IRF2: variants seen among roughly 807,000 people sequenced by gnomAD.
IRF2 encodes the protein interferon regulatory factor 2.
In IRF2, 15 loss-of-function variants were observed where a neutral mutation model predicts 40.6. The observed-to-expected ratio is 0.37, with a 90% CI of 0.25 to 0.57. IRF2 has a LOEUF of 0.57. Among genes scored for constraint, IRF2 ranks in the 20% least tolerant of loss-of-function variants. The pLI, the probability that IRF2 is intolerant of heterozygous loss-of-function variation, is 0.77. For missense variants in IRF2, 317 were observed against 455.7 expected, an observed-to-expected ratio of 0.70 and a Z score of 2.77; for synonymous variants, 151 against 165.5, an observed-to-expected ratio of 0.91 and a Z score of 0.67.
intron 8 of IRF2, among the ~76,000 whole-genome samples, chr4:184,389,822 G>C (rs3775544): frequency 0.066 from 10,065 of 152,164 alleles, 388 homozygotes; most frequent in African/African-American, 0.11. Flanking sequence ...TGCATTTTCA[G>C]AGAAAAGGCA....
rs1052386063 is a variant in IRF2, at chr4:184,428,813, C to A, written c.87+165G>T. On this transcript the variant is annotated intron_variant, in intron 2 of 8. Coordinates refer to ENST00000393593, the MANE Select transcript of IRF2 (RefSeq NM_002199.4). Reference sequence around the variant, plus strand: ...GACCCTGTCTCTAAAAGAAAAAAAGCCTTTGAGATGATAACTTGATGTTTT... The same window carrying A: ...GACCCTGTCTCTAAAAGAAAAAAAGACTTTGAGATGATAACTTGATGTTTT... 2.4e-5 allele frequency: 16 copies of A among 660,476 alleles called. No homozygotes were observed. The East Asian group carries it at 4.2e-4, about 17-fold the overall frequency. 40.9% of individuals were successfully genotyped at this position (660,476 alleles called of 1,614,324 possible).
intron 6 of IRF2, among the ~76,000 whole-genome samples, chr4:184,403,868 T>C (rs574249221): frequency 6.6e-6 from 1 of 152,224 alleles, no homozygotes; most frequent in South Asian, 2.1e-4. Context: ...CCACTAAGTT[T>C]CTCCAGTTTA....
At chr4:184,458,764 A>G (rs1361698093) in intron 1 of IRF2, among the ~76,000 whole-genome samples, 1 of 152,228 alleles carries the variant, frequency 6.6e-6, no homozygotes, top group Non-Finnish European at 1.5e-5. Flanking sequence ...AAAAGGATTC[A>G]GCAAAACGAA....
At chr4:184,459,266 G>A (rs1322226211) in intron 1 of IRF2, among the ~76,000 whole-genome samples, 1 of 151,998 alleles carries the variant, frequency 6.6e-6, no homozygotes, top group African/African-American at 2.4e-5. Context: ...GACATTTCTG[G>A]ATTCAAAATA....
intron 6 of IRF2, among the ~76,000 whole-genome samples, chr4:184,405,481 G>A (rs533560094): frequency 1.2e-4 from 19 of 152,266 alleles, no homozygotes; most frequent in African/African-American, 3.9e-4. Flanking sequence ...AGCTTAACTC[G>A]TTCAGAGTAA....
At chr4:184,422,976 G>GA (rs35799445) in intron 2 of IRF2, among the ~76,000 whole-genome samples, 2 of 151,190 alleles carry the variant, frequency 1.3e-5, no homozygotes, top group East Asian at 1.9e-4. Flanking sequence ...CATACTTCAG[G>GA]AAAAAAAAGA....
At chr4:184,468,130 C>T (rs1739392485) in intron 1 of IRF2, among the ~76,000 whole-genome samples, 1 of 152,188 alleles carries the variant, frequency 6.6e-6, no homozygotes, top group Admixed American at 6.5e-5. Flanking sequence ...CCTAATTCTC[C>T]ATGGCCTTCC....
intron 6 of IRF2, among the ~76,000 whole-genome samples, chr4:184,400,276 A>G (rs1171262007): frequency 6.6e-6 from 1 of 152,068 alleles, no homozygotes; most frequent in Non-Finnish European, 1.5e-5. Context: ...CATTTCATTA[A>G]TTTGTTCATT....
intron 6 of IRF2, among the ~76,000 whole-genome samples, chr4:184,407,477 A>G (rs977337527): frequency 1.3e-5 from 2 of 152,198 alleles, no homozygotes; most frequent in East Asian, 1.9e-4. Context: ...GAAGTTGTTC[A>G]ACTGTTACGA....
intron 2 of IRF2, among the ~76,000 whole-genome samples, chr4:184,423,551 A>C (rs545436023): frequency 6.6e-6 from 1 of 152,314 alleles, no homozygotes; most frequent in South Asian, 2.1e-4. Flanking sequence ...TCTACTCTCA[A>C]AGTGAAAAAA....
intron 2 of IRF2, among the ~76,000 whole-genome samples, chr4:184,428,267 A>G (rs552307663): frequency 6.6e-6 from 1 of 152,352 alleles, no homozygotes; most frequent in East Asian, 1.9e-4. Context: ...AACAGAGAAC[A>G]TGGAAAAGGA....
chr4:184,415,702 A>G (rs775050112), intron 5 of IRF2, among the ~76,000 whole-genome samples: 5 of 152,230 alleles, frequency 3.3e-5, no homozygotes, highest in Non-Finnish European at 5.9e-5. Context: ...AGTGTGTTGA[A>G]AAGGCAACAT....
At chr4:184,416,331 A>AC (rs202203825) in intron 5 of IRF2, among the ~76,000 whole-genome samples, 106 of 148,536 alleles carry the variant, frequency 7.1e-4, no homozygotes, top group Non-Finnish European at 1.2e-3. Context: ...AAAAAAACAA[A>AC]AAAAAAAAAA....
intron 1 of IRF2, among the ~76,000 whole-genome samples, chr4:184,443,772 C>A (rs865845582): frequency 6.6e-6 from 1 of 152,038 alleles, no homozygotes; most frequent in Non-Finnish European, 1.5e-5. Context: ...ATTTTTAGTT[C>A]TTTGAGAAAT....
At chr4:184,461,921 C>T (rs939932374) in intron 1 of IRF2, among the ~76,000 whole-genome samples, 4 of 152,098 alleles carry the variant, frequency 2.6e-5, no homozygotes, top group Non-Finnish European at 4.4e-5. Flanking sequence ...AGTTTCCACC[C>T]GCCTACAATG....
intron 1 of IRF2, among the ~76,000 whole-genome samples, chr4:184,436,817 G>A (rs551525665): frequency 2.6e-5 from 4 of 152,306 alleles, no homozygotes; most frequent in South Asian, 2.1e-4. Flanking sequence ...CAAGCACTGG[G>A]TATTTCACAT....
intron 8 of IRF2, among the ~76,000 whole-genome samples, chr4:184,389,750 C>T (rs926657515): frequency 1.6e-4 from 25 of 152,182 alleles, no homozygotes; most frequent in African/African-American, 5.8e-4. Flanking sequence ...TTCAGGTCAC[C>T]ATGGCCAGTG....
At position 184,408,376 on chromosome 4, in the gene IRF2, C is replaced by T; in HGVS notation, c.412-101G>A. ...TGCCTACTTTCTTTAATGCTAGGGT[C>T]ATTCATGTTCAGCTGCCGAATACAT... On this transcript the variant is annotated intron_variant, in intron 5 of 8. Coordinates refer to ENST00000393593, the MANE Select transcript of IRF2 (RefSeq NM_002199.4). This position sits in a 1 kb window ranked among gnomAD's most constrained non-coding sequence, Gnocchi z 4.9. The T allele has an allele frequency of 1.3e-6, 1 of 751,398 alleles. No homozygotes were observed. 46.5% of individuals were successfully genotyped at this position (751,398 alleles called of 1,614,324 possible). A position where few individuals can be genotyped will look rare whatever the true frequency, so the allele number is the denominator to read the frequency against.
At position 184,466,820 on chromosome 4, in the gene IRF2, G is replaced by A. The variant is rs548385781; in HGVS notation, c.-7+7559C>T. On this transcript the variant is annotated intron_variant, in intron 1 of 8. Coordinates refer to ENST00000393593, the MANE Select transcript of IRF2 (RefSeq NM_002199.4). ...TAACCTCCTACACACCCAGGTTTAT[G>A]GTATGGCCTATGGCTTCCAGGCTGC... Among the ~76,000 whole-genome samples, 7 of 152,322 alleles carry A rather than the reference G, an allele frequency of 4.6e-5. No homozygotes were observed. In the South Asian group the frequency reaches 1.4e-3, roughly 32 times the overall value.
Sources: gnomAD v4.1 joint callset for allele counts (sites outside exome capture counted in the v4.1 genomes callset) on GRCh38, gnomAD v4.1.1 for gene constraint, Gnocchi (gnomAD v3.1) non-coding constraint, MANE v1.5 for transcripts, NCBI Gene and HGNC (gene_info 2026-07-23, HGNC 2026-07-21) for gene names.